NEK9: variants seen among roughly 807,000 people sequenced by gnomAD.
The protein encoded by NEK9 is NIMA related kinase 9, also known as serine/threonine-protein kinase Nek9.
A neutral mutation model predicts 123.4 loss-of-function variants in NEK9; 75 were observed. The observed-to-expected ratio is 0.61, with a 90% CI of 0.50 to 0.74. The LOEUF (loss-of-function observed/expected upper bound fraction) is 0.74, where lower values mean the gene tolerates loss of function less well. NEK9 is among the 30% of genes least tolerant of loss of function. The pLI is 0.00. For synonymous variants in NEK9, 438 were observed against 458.7 expected, an observed-to-expected ratio of 0.95 and a Z score of 0.58; for missense variants, 952 against 1,214.4, an observed-to-expected ratio of 0.78 and a Z score of 3.21.
chr14:75,104,363 GC>G lies in NEK9; in HGVS notation c.1576-367del, dbSNP rs559294038. On this transcript the variant is annotated intron_variant, in intron 13 of 21. Transcript: ENST00000238616. The stretch of plus-strand genomic sequence containing the variant: ...GTATTTTTATTAGAGATGAGGTTTT[GC>G]CACGTAGGCCAGGCTGGTCTCGAAC... Among the ~76,000 whole-genome samples the G allele has an allele frequency of 9.2e-5, 14 of 152,044 alleles. No homozygotes were observed. In the South Asian group the frequency reaches 2.9e-3, roughly 32 times the overall value.
rs563422280 is a variant in NEK9 at position 75,107,304 on chromosome 14, C to A, written c.1327+39G>T. On this transcript the variant is annotated intron_variant, in intron 11 of 21. Transcript: ENST00000238616. ...CACAGCATTAAGCAAAATACCCCCA[C>A]ATTAAATGCACTTAAGACACTTTCT... The A allele has an allele frequency of 1.3e-5, 21 of 1,597,558 alleles. No individual in the cohort carries two copies. In the South Asian group the frequency reaches 2.4e-4, roughly 18 times the overall value.
chr14:75,120,767 G>C, intron 3 of NEK9, 187 bp from the exon 4 acceptor site: 1 of 583,540 alleles, frequency 1.7e-6, no homozygotes, highest in Non-Finnish European at 3.0e-6. Context: ...ACAAAAAACA[G>C]GTTCCTCATA....
At chr14:75,093,520 C>T (rs963385163) in intron 18 of NEK9, among the ~76,000 whole-genome samples, 4 of 152,146 alleles carry the variant, frequency 2.6e-5, no homozygotes, top group Non-Finnish European at 4.4e-5. Flanking sequence ...GTGGCGCAAT[C>T]GTGGCTCACT....
intron 13 of NEK9, 52 bp downstream of exon 13, chr14:75,105,898 G>T (rs969838220): frequency 7.4e-7 from 1 of 1,346,256 alleles, no homozygotes; most frequent in East Asian, 2.3e-5. Context: ...CATATTATTG[G>T]AGTCTGTGCG....
chr14:75,114,000 C>T (rs1302168474), intron 7 of NEK9, among the ~76,000 whole-genome samples: 1 of 152,130 alleles, frequency 6.6e-6, no homozygotes, highest in African/African-American at 2.4e-5. Flanking sequence ...CTAACACTTA[C>T]AAAACAGAAT....
chr14:75,126,980 T>G lies in NEK9; in HGVS notation c.-59A>C. On this transcript the variant is annotated 5_prime_UTR_variant, in exon 1 of 22. Coordinates refer to ENST00000238616, the MANE Select transcript of NEK9 (RefSeq NM_033116.6). ...GTATGCCCGGAGGCCCTGGCCGCGC[T>G]GCGTCCCGCTCGCTTCAGATGCCGG... 1 of 1,341,166 alleles carries G rather than the reference T, an allele frequency of 7.5e-7. No individual in the cohort carries two copies. Among genetic ancestry groups the G allele is most frequent in the African/African-American group, 1.5e-5 (1 of 64,664 alleles). 83.1% of individuals were successfully genotyped at this position (1,341,166 alleles called of 1,614,324 possible). A position where few individuals can be genotyped will look rare whatever the true frequency, so the allele number is the denominator to read the frequency against.
intron 8 of NEK9, among the ~76,000 whole-genome samples, chr14:75,112,251 G>T (rs1894981133): frequency 1.3e-5 from 2 of 152,178 alleles, no homozygotes; most frequent in Admixed American, 1.3e-4. Context: ...ACAAAAAACT[G>T]GTAGTGGAGG....
chr14:75,120,090 C>T (rs1895275333), intron 4 of NEK9, among the ~76,000 whole-genome samples: 2 of 152,134 alleles, frequency 1.3e-5, no homozygotes, highest in Non-Finnish European at 2.9e-5. Flanking sequence ...TTTTAAAGAT[C>T]TGGTAAATTT....
intron 16 of NEK9, among the ~76,000 whole-genome samples, chr14:75,100,149 A>C (rs1314372516): frequency 7.0e-6 from 1 of 142,720 alleles, no homozygotes; most frequent in East Asian, 2.0e-4. Context: ...AAAAAAAAAA[A>C]AAAAAAAAAA....
In NEK9 at chr14:75,101,784, C is replaced by G. The variant is rs759941897; in HGVS notation, c.1732-19G>C. The G allele has an allele frequency of 6.5e-6, 10 of 1,548,166 alleles. No homozygotes were observed. Among genetic ancestry groups the G allele is most frequent in the Middle Eastern group, 3.4e-4 (2 of 5,940 alleles). On this transcript the variant is annotated intron_variant, in intron 14 of 21. Transcript: ENST00000238616. ...GGTATGCCTGAAACAAAATAAAACACAAAGCAGATGCATGAGGTAAGAAAA... is the reference window on the plus strand; with the variant it reads ...GGTATGCCTGAAACAAAATAAAACAGAAAGCAGATGCATGAGGTAAGAAAA...
At chr14:75,094,084 A>G (rs949069953) in intron 18 of NEK9, among the ~76,000 whole-genome samples, 2 of 152,240 alleles carry the variant, frequency 1.3e-5, no homozygotes, top group African/African-American at 4.8e-5. Flanking sequence ...TGCTGTGCTT[A>G]GCGAAAGATC....
intron 16 of NEK9, among the ~76,000 whole-genome samples, chr14:75,100,000 G>T (rs551716669): frequency 1.3e-5 from 2 of 151,064 alleles, no homozygotes; most frequent in Non-Finnish European, 3.0e-5. Context: ...GTGGTGGTTT[G>T]TGCCTGTAGT....
intron 15 of NEK9, 89 bp downstream of exon 15, chr14:75,101,568 A>G: frequency 2.6e-6 from 2 of 774,534 alleles, no homozygotes; most frequent in South Asian, 4.1e-5. Flanking sequence ...GGAAATCGGG[A>G]TGATATACAT....
At chr14:75,115,028 T>C (rs936621936) in intron 6 of NEK9, among the ~76,000 whole-genome samples, 1 of 149,978 alleles carries the variant, frequency 6.7e-6, no homozygotes, top group Non-Finnish European at 1.5e-5. Flanking sequence ...TATATGTGTA[T>C]ATATGTATAT....
intron 6 of NEK9, among the ~76,000 whole-genome samples, chr14:75,116,123 T>C (rs1895134480): frequency 6.6e-6 from 1 of 152,126 alleles, no homozygotes; most frequent in Non-Finnish European, 1.5e-5. Context: ...GTTTACAAGA[T>C]AGAATAAAGG....
At chr14:75,091,041 A>T (rs1894198159) in intron 19 of NEK9, among the ~76,000 whole-genome samples, 1 of 152,252 alleles carries the variant, frequency 6.6e-6, no homozygotes, top group East Asian at 1.9e-4. Flanking sequence ...ATAGTAACTT[A>T]TAATACATTC....
intron 1 of NEK9, among the ~76,000 whole-genome samples, chr14:75,124,722 C>CTA (rs1430810255): frequency 6.6e-6 from 1 of 151,134 alleles, no homozygotes; most frequent in South Asian, 2.1e-4. Flanking sequence ...TTTTGCAACT[C>CTA]TATAATCTCC....
At position 75,084,599 on chromosome 14, in the gene NEK9, G is replaced by A; in HGVS notation, c.2905C>T (p.Leu969Phe). ...KPDLDSDSWC[L>F]LGTDSCRPSL ...GGTCTACAGGAGTCTGTTCCCAGGA[G>A]GCACCAGGAATCTGAATCTAAGTCA... Residue 969 changes from leucine to phenylalanine, a missense_variant, in exon 22 of 22, where the codon CTC becomes TTC. Transcript: ENST00000238616. The A allele has an allele frequency of 6.2e-7, 1 of 1,614,172 alleles. No individual in the cohort carries two copies. The highest frequency in any genetic ancestry group is 2.2e-5 in the East Asian group (1 of 44,886).
At position 75,127,001 on chromosome 14, in the gene NEK9, G is replaced by A; in HGVS notation, c.-80C>T. On this transcript the variant is annotated 5_prime_UTR_variant, in exon 1 of 22. Coordinates refer to ENST00000238616, the MANE Select transcript of NEK9 (RefSeq NM_033116.6). ...GCGCTGCGTCCCGCTCGCTTCAGAT[G>A]CCGGCCCGCGGATCCGTCAGCCCAG... is the stretch of plus-strand genomic sequence containing the variant. 10 of 1,209,004 alleles carry A rather than the reference G, an allele frequency of 8.3e-6. No individual in the cohort carries two copies. The highest frequency in any genetic ancestry group is 8.8e-6 in the Non-Finnish European group (8 of 906,136). 74.9% of individuals were successfully genotyped at this position (1,209,004 alleles called of 1,614,324 possible).
Sources: gnomAD v4.1 joint callset for allele counts (sites outside exome capture counted in the v4.1 genomes callset) on GRCh38, gnomAD v4.1.1 for gene constraint, MANE v1.5 for transcripts, NCBI Gene and HGNC (gene_info 2026-07-23, HGNC 2026-07-21) for gene names.